Variants in ATP10B observed in about 807,000 individuals in gnomAD.
ATP10B encodes the protein ATPase phospholipid transporting 10B (putative), also known as phospholipid-transporting ATPase VB.
ATP10B carries 122 observed loss-of-function variants against 141.2 expected under a neutral mutation model. The ratio of observed to expected loss-of-function variants is 0.86; its 90% CI spans 0.75 to 1.00. ATP10B has a LOEUF of 1.00. Among genes scored for constraint, ATP10B ranks in the 50% least tolerant of loss-of-function variants. ATP10B has a pLI of 0.00. For synonymous variants in ATP10B, 685 were observed against 692.0 expected (o/e 0.99, Z 0.16); for missense variants, 1,876 against 1,825.3 (o/e 1.03, Z -0.51).
intron 2 of ATP10B, among the ~76,000 whole-genome samples, chr5:160,738,225 G>A (rs895479559): frequency 1.6e-4 from 25 of 152,214 alleles, no homozygotes; most frequent in Non-Finnish European, 3.2e-4. Flanking sequence ...ACATTTTGAA[G>A]TGAATGATAA....
At chr5:160,790,188 G>A (rs1180430659) in intron 1 of ATP10B, among the ~76,000 whole-genome samples, 1 of 152,026 alleles carries the variant, frequency 6.6e-6, no homozygotes, top group Non-Finnish European at 1.5e-5. Flanking sequence ...AAGGACATTT[G>A]TTTTATCTTT....
chr5:160,740,106 A>C (rs534425318), intron 2 of ATP10B, among the ~76,000 whole-genome samples: 3 of 152,382 alleles, frequency 2.0e-5, no homozygotes, highest in African/African-American at 7.2e-5. Context: ...CCCATTAATA[A>C]ATGCTAAAGT....
chr5:160,818,730 C>A (rs1357789319), intron 1 of ATP10B, among the ~76,000 whole-genome samples: 1 of 152,116 alleles, frequency 6.6e-6, no homozygotes, highest in Non-Finnish European at 1.5e-5. Flanking sequence ...TTCACAATAG[C>A]AAAGACTTGG....
intron 3 of ATP10B, among the ~76,000 whole-genome samples, chr5:160,704,923 T>TTG (rs961522654): frequency 7.6e-6 from 1 of 131,806 alleles, no homozygotes; most frequent in Non-Finnish European, 1.6e-5. Context: ...TCTTTTTTTT[T>TTG]TTTTTTTTTT....
intron 13 of ATP10B, among the ~76,000 whole-genome samples, chr5:160,629,418 G>T (rs1247061612): frequency 6.6e-6 from 1 of 152,202 alleles, no homozygotes; most frequent in African/African-American, 2.4e-5. Context: ...ACTCTTTCCT[G>T]GTGGGGTGAT....
Position 160,670,513 on chromosome 5 carries a change from C to A in ATP10B, c.625G>T (p.Gly209Ter), listed in dbSNP as rs376736981. ...ICHLETASLDGETNLKQRCVV... is the reference protein window; with the variant it reads ...ICHLETASLD ...CATCTTTGCTTGAGGTTTGTCTCTC[C>A]ATCCAAGCTGGCAGTTTCCAGATGG... Residue 209 changes from glycine to a stop codon, truncating the protein, a stop_gained, in exon 7 of 26, where the codon GGA becomes TGA. Coordinates refer to ENST00000327245, the MANE Select transcript of ATP10B (RefSeq NM_025153.3). LOFTEE classifies it high-confidence loss of function. 58 of 1,613,920 alleles carry A rather than the reference C, an allele frequency of 3.6e-5. No individual in the cohort carries two copies. The highest frequency in any genetic ancestry group is 4.5e-5 in the Non-Finnish European group (53 of 1,180,010).
chr5:160,695,155 G>T (rs902836818), intron 3 of ATP10B, among the ~76,000 whole-genome samples: 2 of 152,182 alleles, frequency 1.3e-5, no homozygotes, highest in Non-Finnish European at 2.9e-5. Flanking sequence ...AAGGATTAAA[G>T]GCAGGGGCAA....
At chr5:160,862,641 A>T in the ATP10B span, among the ~76,000 whole-genome samples, 3 of 152,032 alleles carry the variant, frequency 2.0e-5, no homozygotes, top group South Asian at 6.2e-4. Context: ...ATAAGGCAGA[A>T]ATTGTTACTT....
At chr5:160,737,042 T>TAAAAAGATAATACATC (rs1235177558) in intron 2 of ATP10B, among the ~76,000 whole-genome samples, 2 of 152,074 alleles carry the variant, frequency 1.3e-5, no homozygotes, top group Non-Finnish European at 1.5e-5. Context: ...AACAATACAT[T>TAAAAAGATAATACATC]AAAAAGATAA....
intron 13 of ATP10B, among the ~76,000 whole-genome samples, chr5:160,626,713 G>A (rs945035395): frequency 6.6e-6 from 1 of 152,180 alleles, no homozygotes; most frequent in Non-Finnish European, 1.5e-5. Context: ...ACTTTCAGGT[G>A]GTGTTCATGC....
At chr5:160,854,082 C>T (rs182023425), upstream of ATP10B, among the ~76,000 whole-genome samples, 7 of 152,246 alleles carry the variant, frequency 4.6e-5, no homozygotes, top group East Asian at 1.9e-4. Context: ...TAGACAGAGG[C>T]TTTTGCTCCC....
intron 1 of ATP10B, among the ~76,000 whole-genome samples, chr5:160,802,641 G>C (rs985770519): frequency 6.6e-6 from 1 of 152,194 alleles, no homozygotes; most frequent in Admixed American, 6.5e-5. Flanking sequence ...AAGTTCACAT[G>C]GAGAGCCTGA....
intron 1 of ATP10B, among the ~76,000 whole-genome samples, chr5:160,850,859 A>C (rs1396199308): frequency 6.6e-6 from 1 of 152,250 alleles, no homozygotes; most frequent in African/African-American, 2.4e-5. Flanking sequence ...TGAATTTTCC[A>C]AGAATTTTTT....
the ATP10B span, among the ~76,000 whole-genome samples, chr5:160,894,727 G>C: frequency 4.6e-5 from 7 of 152,052 alleles, no homozygotes; most frequent in Non-Finnish European, 1.0e-4. Flanking sequence ...TCCTCGAGAA[G>C]AGCAACCCCA....
At chr5:160,810,290 A>T (rs1010799208) in intron 1 of ATP10B, among the ~76,000 whole-genome samples, 1 of 152,080 alleles carries the variant, frequency 6.6e-6, no homozygotes, top group Non-Finnish European at 1.5e-5. Flanking sequence ...GCAATTTGAT[A>T]TGTAGCATTT....
At chr5:160,917,060 T>C in the ATP10B span, among the ~76,000 whole-genome samples, 1 of 152,038 alleles carries the variant, frequency 6.6e-6, no homozygotes, top group Admixed American at 6.5e-5. Flanking sequence ...TCTCAGCATT[T>C]TTCCCCTTTG....
At chr5:160,589,840 G>A in intron 23 of ATP10B, 144 bp from the exon 24 acceptor site, 2 of 627,826 alleles carry the variant, frequency 3.2e-6, no homozygotes, top group South Asian at 3.9e-5. Flanking sequence ...ACTGATCCGA[G>A]GAACAGGTCA....
At chr5:160,677,168 G>T (rs2127734178) in intron 6 of ATP10B, among the ~76,000 whole-genome samples, 1 of 152,324 alleles carries the variant, frequency 6.6e-6, no homozygotes, top group South Asian at 2.1e-4. Context: ...GAGCATCAGG[G>T]ACACCTGAAT....
chr5:160,919,190 C>T, the ATP10B span, among the ~76,000 whole-genome samples: 32 of 120,132 alleles, frequency 2.7e-4, no homozygotes, highest in African/African-American at 1.1e-3. Context: ...CGCCACTGCA[C>T]TCCAGCCTGG....
Sources: allele counts gnomAD v4.1 joint callset (sites outside exome capture counted in the v4.1 genomes callset), GRCh38; gene constraint gnomAD v4.1.1; transcripts MANE v1.5; gene names NCBI Gene and HGNC (gene_info 2026-07-23, HGNC 2026-07-21).